PADI1: variants seen among roughly 807,000 people sequenced by gnomAD.
The protein encoded by PADI1 is protein-arginine deiminase type-1.
A neutral mutation model predicts 74.8 loss-of-function variants in PADI1; 65 were observed. The observed-to-expected ratio is 0.87, with a 90% CI of 0.71 to 1.07. The LOEUF is 1.07. Among genes scored for constraint, PADI1 ranks in the 50% least tolerant of loss-of-function variants. The probability of loss-of-function intolerance (pLI) is 0.00; values close to 1 mark genes in which losing one functional copy is unlikely to be tolerated. For synonymous variants in PADI1, 371 were observed against 336.2 expected, an observed-to-expected ratio of 1.10 and a Z score of -1.13; for missense variants, 943 against 854.0, an observed-to-expected ratio of 1.10 and a Z score of -1.30.
chr1:17,227,250 A>G (rs1402336627), intron 6 of PADI1, among the ~76,000 whole-genome samples: 1 of 150,258 alleles, frequency 6.7e-6, no homozygotes, highest in African/African-American at 2.4e-5. Flanking sequence ...AAAAAAAAAA[A>G]GAAAAAGAAA....
intron 11 of PADI1, among the ~76,000 whole-genome samples, chr1:17,233,224 A>G (rs1481213417): frequency 6.6e-6 from 1 of 152,236 alleles, no homozygotes; most frequent in Non-Finnish European, 1.5e-5. Context: ...TGAGTCACCA[A>G]CATAAACAGA....
At chr1:17,228,473 G>C in intron 6 of PADI1, 152 bp from the exon 7 acceptor site, 3 of 715,822 alleles carry the variant, frequency 4.2e-6, no homozygotes, top group Non-Finnish European at 7.3e-6. Flanking sequence ...GAGAGGTTGA[G>C]TCATTGAGCT....
chr1:17,219,921 G>A (rs2072089719), intron 1 of PADI1, among the ~76,000 whole-genome samples: 1 of 152,106 alleles, frequency 6.6e-6, no homozygotes, highest in South Asian at 2.1e-4. Context: ...AAACTGTCCA[G>A]GGTGGGACTG....
chr1:17,228,987 T>C lies in PADI1; in HGVS notation c.865T>C (p.Phe289Leu), dbSNP rs753180452. Residue 289 changes from phenylalanine (F) to leucine (L), a missense_variant, in exon 8 of 16, where the codon TTC becomes CTC. Phe to Leu is a conservative substitution (Grantham distance 22, BLOSUM62 0). Coordinates refer to ENST00000375471, the MANE Select transcript of PADI1 (RefSeq NM_013358.3). Reference sequence around the variant, plus strand: ...GACCCTCTTCACAGACACTGTGGGCTTCCGCATGGCCCCCTGGATCATGAC... The same window carrying C: ...GACCCTCTTCACAGACACTGTGGGCCTCCGCATGGCCCCCTGGATCATGAC... Reference protein sequence around the residue: ...EVTLFTDTVGFRMAPWIMTPN... With the variant: ...EVTLFTDTVGLRMAPWIMTPN... 1 of 1,598,694 alleles carries C rather than the reference T, an allele frequency of 6.3e-7. No individual in the cohort carries two copies. Among genetic ancestry groups the C allele is most frequent in the Admixed American group, 1.7e-5 (1 of 57,622 alleles).
chr1:17,238,574 G>T, intron 12 of PADI1, 42 bp from the exon 13 acceptor site: 6 of 1,178,414 alleles, frequency 5.1e-6, no homozygotes, highest in Non-Finnish European at 6.9e-6. Flanking sequence ...TGTGTCTAAG[G>T]GGACCCTGTC....
At chr1:17,229,561 G>A (rs570063964) in intron 8 of PADI1, among the ~76,000 whole-genome samples, 1 of 152,318 alleles carries the variant, frequency 6.6e-6, no homozygotes, top group East Asian at 1.9e-4. Context: ...AGGCCTCTGT[G>A]CCAGAGGTCA....
chr1:17,220,835 T>C (rs185412507), intron 1 of PADI1, among the ~76,000 whole-genome samples: 1 of 152,308 alleles, frequency 6.6e-6, no homozygotes, highest in East Asian at 1.9e-4. Context: ...ATGCAGGGGA[T>C]GAAGAAGAAT....
At position 17,230,704 on chromosome 1, in the gene PADI1, G is replaced by A. The variant is rs898016018; in HGVS notation, c.1161+25G>A. ...GGTACGTAGCGACAGGTAGAGTGCAGAAACCCTGGTTGGGTCCTCCTGGAG... is the reference window on the plus strand; with the variant it reads ...GGTACGTAGCGACAGGTAGAGTGCAAAAACCCTGGTTGGGTCCTCCTGGAG... On this transcript the variant is annotated intron_variant, in intron 10 of 15. Coordinates refer to ENST00000375471, the MANE Select transcript of PADI1 (RefSeq NM_013358.3). The A allele has an allele frequency of 3.5e-6, 5 of 1,420,268 alleles. No individual in the cohort carries two copies. The African/African-American group carries it at 7.0e-5, about 20-fold the overall frequency. The allele number at this position is 1,420,268 out of a possible 1,614,324, so 88.0% of individuals were successfully genotyped here.
At chr1:17,210,823 G>T (rs1182080729) in intron 1 of PADI1, among the ~76,000 whole-genome samples, 1 of 152,156 alleles carries the variant, frequency 6.6e-6, no homozygotes, top group African/African-American at 2.4e-5. Context: ...GCAGCCAGGG[G>T]ACTGGGGGTT....
At chr1:17,229,225 C>T (rs2100481015) in intron 8 of PADI1, among the ~76,000 whole-genome samples, 174 bp downstream of exon 8, 1 of 152,352 alleles carries the variant, frequency 6.6e-6, no homozygotes, top group East Asian at 1.9e-4. Flanking sequence ...CTGCCCAACC[C>T]TGACCCACCC....
At chr1:17,215,972 C>T (rs2071967343) in intron 1 of PADI1, among the ~76,000 whole-genome samples, 1 of 152,130 alleles carries the variant, frequency 6.6e-6, no homozygotes, top group African/African-American at 2.4e-5. Context: ...CCATTTGCAA[C>T]AGGCAAGAAG....
chr1:17,230,982 A>C (rs2072476218), intron 10 of PADI1, among the ~76,000 whole-genome samples: 1 of 152,226 alleles, frequency 6.6e-6, no homozygotes, highest in Admixed American at 6.5e-5. Context: ...CAGTGTGGTC[A>C]GCTCTGGGGA....
At chr1:17,209,587 TC>T (rs1345777122) in intron 1 of PADI1, among the ~76,000 whole-genome samples, 1 of 152,146 alleles carries the variant, frequency 6.6e-6, no homozygotes, top group Non-Finnish European at 1.5e-5. Context: ...TCTCTCCCCC[TC>T]CCTCTGGCCC....
intron 12 of PADI1, among the ~76,000 whole-genome samples, chr1:17,237,703 A>G (rs748861533): frequency 6.6e-5 from 10 of 152,212 alleles, no homozygotes; most frequent in Non-Finnish European, 1.3e-4. Context: ...ATATTTATTG[A>G]GCACCTACTA....
chr1:17,220,068 G>A (rs1346091287), intron 1 of PADI1, among the ~76,000 whole-genome samples: 6 of 152,070 alleles, frequency 3.9e-5, no homozygotes, highest in Admixed American at 3.9e-4. Context: ...GGAAGAGCAG[G>A]TAAGGTGCGA....
Position 17,226,136 on chromosome 1 carries a change from A to T in PADI1, c.630A>T (p.Arg210Ser). The T allele has an allele frequency of 6.2e-7, 1 of 1,614,144 alleles. No individual in the cohort carries two copies. Among genetic ancestry groups the T allele is most frequent in the Non-Finnish European group, 8.5e-7 (1 of 1,180,004 alleles). ...VLNVPFSDSK[R>S]VRVFCARGGN... ...ACGTGCCCTTTTCTGATTCCAAAAG[A>T]GTGAGGGTCTTCTGTGCCAGGGGTG... The change falls in exon 6 of 16, where the codon AGA becomes AGT. Residue 210 changes from arginine (R) to serine (S), a missense_variant. Coordinates refer to ENST00000375471, the MANE Select transcript of PADI1 (RefSeq NM_013358.3).
intron 8 of PADI1, 126 bp from the exon 9 acceptor site, chr1:17,229,959 C>A: frequency 2.4e-6 from 2 of 834,762 alleles, no homozygotes; most frequent in Non-Finnish European, 3.8e-6. Context: ...ATGAGCCTCT[C>A]AAGGTCATGA....
At chr1:17,240,304 G>A (rs940472147) in intron 14 of PADI1, 5 of 257,866 alleles carry the variant, frequency 1.9e-5, no homozygotes, top group East Asian at 1.7e-4. Context: ...AGTGCCCAGC[G>A]CTTTCTCCTA....
chr1:17,237,311 C>A lies in PADI1; in HGVS notation c.1314-3C>A, dbSNP rs754905623. Reference sequence around the variant, plus strand: ...GACTGCCCGCCCTCTCCCTCCTGGCCAGGTCCGGTGGGCGGCAGATGGCCA... The same window carrying A: ...GACTGCCCGCCCTCTCCCTCCTGGCAAGGTCCGGTGGGCGGCAGATGGCCA... On this transcript the variant is annotated splice_region_variant and splice_polypyrimidine_tract_variant and intron_variant, in intron 11 of 15. Coordinates refer to ENST00000375471, the MANE Select transcript of PADI1 (RefSeq NM_013358.3). 2 of 1,606,142 alleles carry A rather than the reference C, an allele frequency of 1.2e-6. No homozygotes were observed. The highest frequency in any genetic ancestry group is 1.7e-6 in the Non-Finnish European group (2 of 1,175,884).
Sources: gnomAD v4.1 joint callset for allele counts (sites outside exome capture counted in the v4.1 genomes callset) on GRCh38, gnomAD v4.1.1 for gene constraint, MANE v1.5 for transcripts, NCBI Gene and HGNC (gene_info 2026-07-23, HGNC 2026-07-21) for gene names.